HCN4: variants seen among roughly 807,000 people sequenced by gnomAD.
The protein encoded by HCN4 is potassium/sodium hyperpolarization-activated cyclic nucleotide-gated channel 4.
A neutral mutation model predicts 76.9 loss-of-function variants in HCN4; 29 were observed. The observed-to-expected ratio is 0.38, with a 90% CI of 0.28 to 0.51. The LOEUF is 0.51. HCN4 is among the 20% of genes least tolerant of loss of function. HCN4 has a pLI of 0.90. For missense variants in HCN4, 1,416 were observed against 1,715.2 expected (o/e 0.83, Z 3.08); for synonymous variants, 772 against 762.5 (o/e 1.01, Z -0.21).
chr15:73,349,398 A>T (rs997084556), intron 1 of HCN4, among the ~76,000 whole-genome samples: 2 of 152,162 alleles, frequency 1.3e-5, no homozygotes, highest in Non-Finnish European at 2.9e-5. Flanking sequence ...CCCATTTTAC[A>T]GATGAGGAGA....
At chr15:73,363,074 G>T (rs754703981) in intron 1 of HCN4, among the ~76,000 whole-genome samples, 1 of 152,204 alleles carries the variant, frequency 6.6e-6, no homozygotes, top group Non-Finnish European at 1.5e-5. Flanking sequence ...GCTCACCTTG[G>T]AATTCCCCTC....
rs1567802231 is a variant in HCN4, at chr15:73,368,101, G to A, written c.170C>T (p.Ser57Phe). 1 of 1,498,026 alleles carries A rather than the reference G, an allele frequency of 6.7e-7. No homozygotes were observed. The highest frequency in any genetic ancestry group is 8.9e-7 in the Non-Finnish European group (1 of 1,127,972). The allele number at this position is 1,498,026 out of a possible 1,614,324, so 92.8% of individuals were successfully genotyped here. The change falls in exon 1 of 8, where the codon TCC becomes TTC. Residue 57 changes from serine (S) to phenylalanine (F), a missense_variant. By Grantham distance (155) the Ser-to-Phe change is radical (BLOSUM62 -2). Transcript: ENST00000261917. This position sits in a 1 kb window ranked among gnomAD's most constrained non-coding sequence, Gnocchi z 6.9. ...SIRLRPLPSP[S>F]PSAAAGGTES... The stretch of plus-strand genomic sequence containing the variant: ...CGTGCCACCCGCGGCCGCCGAGGGG[G>A]AGGGCGAGGGCAGTGGCCGCAGCCG...
chr15:73,351,165 T>A (rs1022382348), intron 1 of HCN4, among the ~76,000 whole-genome samples: 7 of 152,124 alleles, frequency 4.6e-5, no homozygotes, highest in African/African-American at 7.2e-5. Context: ...CTCCACTGAC[T>A]TTTCTCTGTT....
At position 73,367,689 on chromosome 15, in the gene HCN4, C is replaced by T. The variant is rs1322055969; in HGVS notation, c.582G>A (p.Ala194=). Residue 194 remains alanine, a synonymous_variant, in exon 1 of 8, where the codon GCG becomes GCA. Transcript: ENST00000261917. This position sits in a 1 kb window ranked among gnomAD's most constrained non-coding sequence, Gnocchi z 7.5. ...VDTAIKVEGG[A]AAGDQILPEA... is the part of the protein sequence containing the mutation. ...CCGGGAGGATCTGGTCGCCGGCAGC[C>T]GCGCCTCCCTCCACTTTGATAGCGG... 1.2e-6 allele frequency: 2 copies of T among 1,601,934 alleles called. No homozygotes were observed. Among genetic ancestry groups the T allele is most frequent in the African/African-American group, 1.3e-5 (1 of 74,918 alleles).
In HCN4 at chr15:73,322,141, C is replaced by T. The variant is rs972570585; in HGVS notation, c.*340G>A. The stretch of plus-strand genomic sequence containing the variant: ...TCTCTAAATGAACACAATGACACAT[C>T]TGCTCTAAGAACCGCCAACACTGGC... On this transcript the variant is annotated 3_prime_UTR_variant, in exon 8 of 8. Coordinates refer to ENST00000261917, the MANE Select transcript of HCN4 (RefSeq NM_005477.3). The T allele has an allele frequency of 1.5e-5, 5 of 342,716 alleles. No individual in the cohort carries two copies. Among genetic ancestry groups the T allele is most frequent in the South Asian group, 1.3e-4 (5 of 39,376 alleles). The allele number at this position is 342,716 out of a possible 1,614,324, so 21.2% of individuals were successfully genotyped here.
At position 73,367,702 on chromosome 15, in the gene HCN4, A is replaced by G. The variant is rs786205269; in HGVS notation, c.569T>C (p.Val190Ala). 6.3e-7 allele frequency: 1 copy of G among 1,599,310 alleles called. No homozygotes were observed. Among genetic ancestry groups the G allele is most frequent in the Non-Finnish European group, 8.5e-7 (1 of 1,179,268 alleles). The change falls in exon 1 of 8, where the codon GTG (valine) becomes GCG (alanine). Residue 190 changes from valine (V) to alanine (A), a missense_variant. By Grantham distance (64) the Val-to-Ala change is moderately conservative. Around this residue, in one of 6 missense-constraint regions of HCN4, gnomAD observed 355 missense variants for 347.8 expected, o/e 1.02. Coordinates refer to ENST00000261917, the MANE Select transcript of HCN4 (RefSeq NM_005477.3). The surrounding 1 kb of genome is among the most constrained non-coding windows in gnomAD (Gnocchi z 7.5). The part of the protein sequence containing the change: ...EQPSVDTAIK[V>A]EGGAAAGDQI... ...GTCGCCGGCAGCCGCGCCTCCCTCC[A>G]CTTTGATAGCGGTGTCCACCGAGGG...
At chr15:73,357,568 G>T (rs1398282597) in intron 1 of HCN4, among the ~76,000 whole-genome samples, 1 of 152,100 alleles carries the variant, frequency 6.6e-6, no homozygotes, top group African/African-American at 2.4e-5. Flanking sequence ...GGAGAGCGTG[G>T]TTGAGGCCCT....
intron 4 of HCN4, among the ~76,000 whole-genome samples, chr15:73,329,083 C>G (rs2042916456): frequency 6.6e-6 from 1 of 152,152 alleles, no homozygotes; most frequent in Non-Finnish European, 1.5e-5. Flanking sequence ...GGTGAAACCA[C>G]AGCACCGGGG....
In HCN4 at chr15:73,368,806, TCCCGCCGCAACCGAGCGGAGCCCAGCGA is replaced by T. The variant is rs1455650083; in HGVS notation, c.-564_-537del. The T allele has an allele frequency of 6.6e-6, 1 of 151,384 alleles. No homozygotes were observed. The highest frequency in any genetic ancestry group is 1.5e-5 in the Non-Finnish European group (1 of 67,708). The allele number at this position is 151,384 out of a possible 1,614,324, so 9.4% of individuals were successfully genotyped here. ...CGGCCCGTCCGGCCCGTCCCGGGGC[TCCCGCCGCAACCGAGCGGAGCCCAGCGA>T]CCCGCCGGGCTTACATCAGCGGCCG... On this transcript the variant is annotated 5_prime_UTR_variant, in exon 1 of 8. Transcript: ENST00000261917. The surrounding 1 kb of genome is among the most constrained non-coding windows in gnomAD (Gnocchi z 6.9).
intron 2 of HCN4, chr15:73,342,277 C>T (rs2043009394): frequency 6.6e-6 from 1 of 152,280 alleles, no homozygotes; most frequent in African/African-American, 2.4e-5. Flanking sequence ...GTTGGTCCGC[C>T]CAGTTCTTTT....
At chr15:73,324,927 T>G in intron 6 of HCN4, 28 bp downstream of exon 6, 2 of 1,613,278 alleles carry the variant, frequency 1.2e-6, no homozygotes, top group Non-Finnish European at 1.7e-6. Context: ...GCAGCTGCCC[T>G]GTCCCCCAGG....
At chr15:73,347,771 A>G (rs1182842598) in intron 1 of HCN4, among the ~76,000 whole-genome samples, 1 of 152,046 alleles carries the variant, frequency 6.6e-6, no homozygotes, top group African/African-American at 2.4e-5. Context: ...TCAGGCTCAG[A>G]TATCCTGGAG....
rs1185404971 is a variant in HCN4 at position 73,325,482 on chromosome 15, C to T, written c.1591-38G>A. The T allele has an allele frequency of 1.6e-5, 26 of 1,611,314 alleles. No individual in the cohort carries two copies. The highest frequency in any genetic ancestry group is 2.2e-5 in the East Asian group (1 of 44,858). On this transcript the variant is annotated intron_variant, in intron 4 of 7. Transcript: ENST00000261917. This position sits in a 1 kb window ranked among gnomAD's most constrained non-coding sequence, Gnocchi z 7.4. Reference sequence around the variant, plus strand: ...GAAGGGGGCGTCAGCTCCACCCCACCAGGGGGCGTCAGCAGCCAGCCCCAC... The same window carrying T: ...GAAGGGGGCGTCAGCTCCACCCCACTAGGGGGCGTCAGCAGCCAGCCCCAC...
In HCN4 at chr15:73,364,497, G is replaced by T. The variant is rs79054085; in HGVS notation, c.785+2989C>A. On this transcript the variant is annotated intron_variant, in intron 1 of 7. Coordinates refer to ENST00000261917, the MANE Select transcript of HCN4 (RefSeq NM_005477.3). ...AGGACACAGCTTGTGTGGAAGGAAG[G>T]ACCCATCCAGGACCCAAGAGCCCAG... Among the ~76,000 whole-genome samples, 352 of 152,302 alleles carry T rather than the reference G, an allele frequency of 2.3e-3. 1 individual carries two copies. Among genetic ancestry groups the T allele is most frequent in the Admixed American group, 0.014 (216 of 15,302 alleles).
Position 73,367,666 on chromosome 15 carries a change from G to C in HCN4, c.605C>G (p.Pro202Arg). ...GGAAAGDQIL[P>R]EAEVRLGQAG... ...CTGGCCCAGGCGCACCTCGGCCTCC[G>C]GGAGGATCTGGTCGCCGGCAGCCGC... Residue 202 changes from proline (P) to arginine (R), a missense_variant, in exon 1 of 8, where the codon CCG becomes CGG. Pro to Arg is a moderately radical substitution (Grantham distance 103). Around this residue, in one of 6 missense-constraint regions of HCN4, gnomAD observed 355 missense variants for 347.8 expected, o/e 1.02. Coordinates refer to ENST00000261917, the MANE Select transcript of HCN4 (RefSeq NM_005477.3). The surrounding 1 kb of genome is among the most constrained non-coding windows in gnomAD (Gnocchi z 7.5). The C allele has an allele frequency of 1.2e-6, 2 of 1,606,910 alleles. No homozygotes were observed. Among genetic ancestry groups the C allele is most frequent in the Non-Finnish European group, 1.7e-6 (2 of 1,179,720 alleles).
Position 73,368,096 on chromosome 15 carries a change from A to AG in HCN4, c.174dup (p.Ser59LeufsTer66). ...GACTCCGTGCCACCCGCGGCCGCCGAGGGGGAGGGCGAGGGCAGTGGCCGC... is the reference window on the plus strand; with the variant it reads ...GACTCCGTGCCACCCGCGGCCGCCGAGGGGGGAGGGCGAGGGCAGTGGCCGC... On this transcript the variant is annotated frameshift_variant, in exon 1 of 8. Transcript: ENST00000261917. LOFTEE classifies it high-confidence loss of function. This position sits in a 1 kb window ranked among gnomAD's most constrained non-coding sequence, Gnocchi z 6.9. The AG allele has an allele frequency of 1.3e-6, 2 of 1,494,490 alleles. No homozygotes were observed. Among genetic ancestry groups the AG allele is most frequent in the Non-Finnish European group, 1.8e-6 (2 of 1,126,900 alleles). 92.6% of individuals were successfully genotyped at this position (1,494,490 alleles called of 1,614,324 possible).
At chr15:73,335,478 G>A (rs1206834538) in intron 2 of HCN4, 1 of 152,282 alleles carries the variant, frequency 6.6e-6, no homozygotes, top group Non-Finnish European at 1.5e-5. Flanking sequence ...TACCTTGACA[G>A]AAGGCACCAT....
chr15:73,365,743 G>A (rs1199122095), intron 1 of HCN4, among the ~76,000 whole-genome samples: 1 of 152,214 alleles, frequency 6.6e-6, no homozygotes, highest in African/African-American at 2.4e-5. Flanking sequence ...AGGCTCCCCA[G>A]GCAATGGGCT....
At position 73,322,864 on chromosome 15, in the gene HCN4, CG is replaced by C; in HGVS notation, c.3228del (p.Gly1077AlafsTer104). On this transcript the variant is annotated frameshift_variant, in exon 8 of 8. Transcript: ENST00000261917. LOFTEE classifies it high-confidence loss of function. ...AGCTTGAGGTCCTGGGTGAGGCGGC[CG>C]GGGGTGAGCGGGGGTGTGCCCCGGC... ...PQRRGTPPLT[P>X]GRLTQDLKLI... is the part of the protein sequence containing the mutation. 2 of 1,464,752 alleles carry C rather than the reference CG, an allele frequency of 1.4e-6. No homozygotes were observed. The allele number at this position is 1,464,752 out of a possible 1,614,324, so 90.7% of individuals were successfully genotyped here.
Sources: allele counts gnomAD v4.1 joint callset (sites outside exome capture counted in the v4.1 genomes callset), GRCh38; gene constraint gnomAD v4.1.1; regional missense constraint gnomAD v4.1.1; non-coding constraint Gnocchi (gnomAD v3.1); transcripts MANE v1.5; gene names NCBI Gene and HGNC (gene_info 2026-07-23, HGNC 2026-07-21).